The following PSMB7 variants were observed in gnomAD, a reference collection of about 807,000 sequenced individuals.
PSMB7 encodes proteasome 20S subunit beta 7.
PSMB7 carries 5 observed loss-of-function variants against 28.1 expected under a neutral mutation model. That is an observed-to-expected ratio of 0.18 (90% CI 0.09 to 0.37). PSMB7 has a LOEUF of 0.37. PSMB7 is among the 10% of genes least tolerant of loss of function. The pLI is 1.00. For synonymous variants in PSMB7, 122 were observed against 123.7 expected, an observed-to-expected ratio of 0.99 and a Z score of 0.09; for missense variants, 275 against 346.2, an observed-to-expected ratio of 0.79 and a Z score of 1.63.
intron 6 of PSMB7, among the ~76,000 whole-genome samples, chr9:124,367,573 T>A (rs1024040756): frequency 2.0e-5 from 3 of 151,198 alleles, no homozygotes; most frequent in Admixed American, 6.6e-5. Flanking sequence ...ACTGTGGTCA[T>A]GGGGGGCGGG....
At chr9:124,411,132 T>C (rs539355531) in intron 4 of PSMB7, among the ~76,000 whole-genome samples, 7 of 152,214 alleles carry the variant, frequency 4.6e-5, no homozygotes, top group South Asian at 2.1e-4. Flanking sequence ...AGCGCCACCA[T>C]GCCCGGCTAT....
chr9:124,404,618 G>C (rs889955402), intron 5 of PSMB7, among the ~76,000 whole-genome samples: 1 of 152,134 alleles, frequency 6.6e-6, no homozygotes, highest in Non-Finnish European at 1.5e-5. Flanking sequence ...TTGGGAGGCC[G>C]AGGTGGGCAG....
rs778636710 is a variant in PSMB7 at position 124,414,805 on chromosome 9, G to A, written c.156+37C>T. ...CCAAGTGTTCTGATTCCTGTTGCCG[G>A]TTCAGTCACTGCTGCTCTTAGCCTA... On this transcript the variant is annotated intron_variant, in intron 2 of 7. Transcript: ENST00000259457. The A allele has an allele frequency of 3.7e-5, 57 of 1,560,910 alleles. 1 individual carries two copies. In the South Asian group the frequency reaches 4.1e-4, roughly 11 times the overall value.
intron 6 of PSMB7, among the ~76,000 whole-genome samples, chr9:124,373,751 A>T (rs980626136): frequency 6.6e-6 from 1 of 152,246 alleles, no homozygotes; most frequent in Non-Finnish European, 1.5e-5. Flanking sequence ...TAGAGGATAT[A>T]TGGAAGGATA....
intron 6 of PSMB7, among the ~76,000 whole-genome samples, chr9:124,359,857 C>T (rs1346657808): frequency 1.3e-5 from 2 of 152,214 alleles, no homozygotes; most frequent in Non-Finnish European, 2.9e-5. Flanking sequence ...GTTAGGGCAA[C>T]ATCTCTACAA....
At chr9:124,379,324 C>G (rs182508016) in intron 6 of PSMB7, among the ~76,000 whole-genome samples, 153 of 152,064 alleles carry the variant, frequency 1.0e-3, no homozygotes, top group Non-Finnish European at 1.0e-3. Flanking sequence ...TCCACCCATT[C>G]AACACACACT....
chr9:124,407,135 A>G (rs1439851371), intron 4 of PSMB7, among the ~76,000 whole-genome samples: 3 of 152,232 alleles, frequency 2.0e-5, no homozygotes, highest in Non-Finnish European at 2.9e-5. Flanking sequence ...AAGGAAAACA[A>G]AACTGACACA....
chr9:124,404,718 T>C (rs1207919923), intron 5 of PSMB7, among the ~76,000 whole-genome samples: 1 of 152,106 alleles, frequency 6.6e-6, no homozygotes, highest in African/African-American at 2.4e-5. Context: ...CCGGGCATGG[T>C]GGCGTGTGCC....
chr9:124,392,647 A>G (rs1830799073), intron 5 of PSMB7, among the ~76,000 whole-genome samples: 1 of 152,258 alleles, frequency 6.6e-6, no homozygotes, highest in African/African-American at 2.4e-5. Context: ...CTGGTCCTCC[A>G]GGCAGCTATT....
Position 124,413,510 on chromosome 9 carries a change from T to C in PSMB7, c.254+398A>G, listed in dbSNP as rs991209250. On this transcript the variant is annotated intron_variant, in intron 3 of 7. Transcript: ENST00000259457. ...GATCTATGTTTTACAAAATCCAGTA[T>C]GGCAGAAGAGTGAACAATAGGATGC... is the stretch of plus-strand genomic sequence containing the variant. 8.5e-5 allele frequency among the ~76,000 whole-genome samples: 13 copies of C among 152,282 alleles called. No homozygotes were observed. In the East Asian group the frequency reaches 2.3e-3, roughly 27 times the overall value.
intron 4 of PSMB7, among the ~76,000 whole-genome samples, chr9:124,409,873 A>G (rs1831010146): frequency 6.6e-6 from 1 of 152,234 alleles, no homozygotes; most frequent in African/African-American, 2.4e-5. Context: ...AACTCACCAA[A>G]AATGTTAAGA....
chr9:124,356,104 G>A lies in PSMB7; in HGVS notation c.722+660C>T, dbSNP rs1245468336. Among the ~76,000 whole-genome samples, 1 of 152,270 alleles carries A rather than the reference G, an allele frequency of 6.6e-6. No individual in the cohort carries two copies. Among genetic ancestry groups the A allele is most frequent in the Middle Eastern group, 3.4e-3 (1 of 294 alleles). On this transcript the variant is annotated intron_variant, in intron 7 of 7. Coordinates refer to ENST00000259457, the MANE Select transcript of PSMB7 (RefSeq NM_002799.4). This position sits in a 1 kb window ranked among gnomAD's most constrained non-coding sequence, Gnocchi z 4.4. Reference sequence around the variant, plus strand: ...CTCCCAGAAGAGGTCAGGAGCCACAGGATGGTCAAGCAGCCGGACAATCAC... The same window carrying A: ...CTCCCAGAAGAGGTCAGGAGCCACAAGATGGTCAAGCAGCCGGACAATCAC...
intron 7 of PSMB7, among the ~76,000 whole-genome samples, chr9:124,354,799 T>TC (rs1179249164): frequency 6.6e-6 from 1 of 152,182 alleles, no homozygotes; most frequent in Non-Finnish European, 1.5e-5. Flanking sequence ...AGAGCCAAAG[T>TC]CCCACGTGGC....
intron 6 of PSMB7, among the ~76,000 whole-genome samples, chr9:124,363,837 C>T (rs1239552325): frequency 6.6e-6 from 1 of 152,082 alleles, no homozygotes; most frequent in East Asian, 1.9e-4. Context: ...CAGGTCTGTC[C>T]TAGGTCACTG....
chr9:124,353,475 A>G lies in PSMB7; in HGVS notation c.*123T>C, dbSNP rs1469034235. On this transcript the variant is annotated 3_prime_UTR_variant, in exon 8 of 8. Coordinates refer to ENST00000259457, the MANE Select transcript of PSMB7 (RefSeq NM_002799.4). ...CACAGTGCCCAGACCTCAGCTGCCCAATTTGGTTTTTGTTTTTTATTGAGT... is the reference window on the plus strand; with the variant it reads ...CACAGTGCCCAGACCTCAGCTGCCCGATTTGGTTTTTGTTTTTTATTGAGT... 6.7e-6 allele frequency: 5 copies of G among 741,324 alleles called. No individual in the cohort carries two copies. The highest frequency in any genetic ancestry group is 2.3e-5 in the Admixed American group (1 of 44,144). 45.9% of individuals were successfully genotyped at this position (741,324 alleles called of 1,614,324 possible).
intron 5 of PSMB7, among the ~76,000 whole-genome samples, chr9:124,404,713 C>T (rs539529087): frequency 5.3e-5 from 8 of 152,184 alleles, no homozygotes; most frequent in African/African-American, 1.9e-4. Context: ...ATTAGCCGGG[C>T]ATGGTGGCGT....
At chr9:124,381,320 A>G (rs1456166709) in intron 6 of PSMB7, among the ~76,000 whole-genome samples, 1 of 152,276 alleles carries the variant, frequency 6.6e-6, no homozygotes, top group Non-Finnish European at 1.5e-5. Flanking sequence ...TGTTTTAACG[A>G]TAAAGCCAAG....
In PSMB7 at chr9:124,415,393, A is replaced by G; in HGVS notation, c.33T>C (p.Val11=). The part of the protein sequence containing the change: MAAVSVYAPP[V]GGFSFDNCRR... ...GGCAGTTATCAAAAGAGAAGCCTCC[A>G]ACTGGTGGAGCATACACCGACACAG... The change falls in exon 1 of 8, where the codon GTT becomes GTC. Residue 11 remains valine, a synonymous_variant. Transcript: ENST00000259457. 6.2e-7 allele frequency: 1 copy of G among 1,614,188 alleles called. No homozygotes were observed. The highest frequency in any genetic ancestry group is 1.3e-5 in the African/African-American group (1 of 75,054).
At chr9:124,358,004 TACA>T (rs1365243581) in intron 6 of PSMB7, among the ~76,000 whole-genome samples, 2 of 152,132 alleles carry the variant, frequency 1.3e-5, no homozygotes, top group African/African-American at 4.8e-5. Context: ...AAGCTCTATA[TACA>T]ACGAGGACAA....
Sources: gnomAD v4.1 joint callset for allele counts (sites outside exome capture counted in the v4.1 genomes callset) on GRCh38, gnomAD v4.1.1 for gene constraint, Gnocchi (gnomAD v3.1) non-coding constraint, MANE v1.5 for transcripts, NCBI Gene and HGNC (gene_info 2026-07-23, HGNC 2026-07-21) for gene names.